Variants in NOX3 observed in about 807,000 individuals in gnomAD.
The protein encoded by NOX3 is NADPH oxidase catalytic subunit-like 3.
Under a neutral mutation model 76.7 loss-of-function variants are expected in NOX3, and 74 were observed. The observed-to-expected ratio is 0.96, with a 90% CI of 0.80 to 1.17. The LOEUF (loss-of-function observed/expected upper bound fraction) is 1.17, where lower values mean the gene tolerates loss of function less well. NOX3 is among the 50% of genes most tolerant of loss of function. The pLI is 0.00. For synonymous variants in NOX3, 263 were observed against 261.1 expected (o/e 1.01, Z -0.07); for missense variants, 695 against 703.3 (o/e 0.99, Z 0.13).
chr6:155,401,115 G>C (rs1779220426), intron 12 of NOX3, among the ~76,000 whole-genome samples: 1 of 152,106 alleles, frequency 6.6e-6, no homozygotes, highest in South Asian at 2.1e-4. Context: ...CTAATAATTT[G>C]ATAGATAGGT....
At chr6:155,419,183 G>T (rs1443402919) in intron 10 of NOX3, among the ~76,000 whole-genome samples, 1 of 152,176 alleles carries the variant, frequency 6.6e-6, no homozygotes, top group Non-Finnish European at 1.5e-5. Context: ...AAGCCTAATA[G>T]TAGCTATACT....
rs987123503 is a variant in NOX3 at position 155,418,279 on chromosome 6, C to T, written c.1308+4415G>A. Reference sequence around the variant, plus strand: ...AGTGTGATGTAGAATTAATCATACCCGTTAGGCAGGAGGTGGAGGACTTTA... The same window carrying T: ...AGTGTGATGTAGAATTAATCATACCTGTTAGGCAGGAGGTGGAGGACTTTA... On this transcript the variant is annotated intron_variant, in intron 10 of 13. Transcript: ENST00000159060. Among the ~76,000 whole-genome samples the T allele has an allele frequency of 3.9e-5, 6 of 152,036 alleles. No individual in the cohort carries two copies. In the South Asian group the frequency reaches 6.2e-4, roughly 16 times the overall value.
rs1776794035 is a variant in NOX3, at chr6:155,428,899, T to C, written c.1040A>G (p.Asp347Gly). 6.2e-7 allele frequency: 1 copy of C among 1,613,716 alleles called. No homozygotes were observed. The highest frequency in any genetic ancestry group is 8.5e-7 in the Non-Finnish European group (1 of 1,179,830). Residue 347 changes from aspartate (D) to glycine (G), a missense_variant, in exon 9 of 14, where the codon GAC becomes GGC. Coordinates refer to ENST00000159060, the MANE Select transcript of NOX3 (RefSeq NM_015718.3). ...TGCCCGGATGTGCACGCTGAAAAAG[T>C]CCTCCTGGGGGGCAGAGGTAAGGGT... ...PFTLTSAPQEDFFSVHIRAAG... is the reference protein window; with the variant it reads ...PFTLTSAPQEGFFSVHIRAAG...
At chr6:155,445,281 A>C (rs1302149586) in intron 4 of NOX3, among the ~76,000 whole-genome samples, 1 of 152,200 alleles carries the variant, frequency 6.6e-6, no homozygotes, top group African/African-American at 2.4e-5. Context: ...ACCCACAGTG[A>C]GAAGTAGCAG....
intron 5 of NOX3, among the ~76,000 whole-genome samples, chr6:155,442,066 C>A (rs189461952): frequency 2.6e-5 from 4 of 152,256 alleles, no homozygotes; most frequent in South Asian, 2.1e-4. Flanking sequence ...CGATCAAGAC[C>A]ATCCTGGCTA....
intron 4 of NOX3, among the ~76,000 whole-genome samples, chr6:155,445,228 G>A (rs6919626): frequency 0.6 from 90,816 of 152,042 alleles, 27,294 homozygotes; most frequent in Middle Eastern, 0.63. Context: ...TTCATTGCCC[G>A]GGGTATAGAT....
intron 12 of NOX3, among the ~76,000 whole-genome samples, 171 bp downstream of exon 12, chr6:155,406,959 G>A (rs1450302807): frequency 1.3e-5 from 2 of 152,240 alleles, no homozygotes; most frequent in Non-Finnish European, 1.5e-5. Flanking sequence ...TTGTAAGCCA[G>A]TTCAGGAGAG....
At chr6:155,434,591 G>C (rs1406088786) in intron 7 of NOX3, among the ~76,000 whole-genome samples, 5 of 152,188 alleles carry the variant, frequency 3.3e-5, no homozygotes, top group African/African-American at 1.2e-4. Flanking sequence ...ACAGAAATGA[G>C]AGCAAGAATG....
intron 4 of NOX3, among the ~76,000 whole-genome samples, chr6:155,443,859 TAA>T (rs1251716716): frequency 6.6e-6 from 1 of 151,938 alleles, no homozygotes; most frequent in Non-Finnish European, 1.5e-5. Context: ...CACATTTATT[TAA>T]GTTATATTAA....
At chr6:155,408,711 A>T (rs1776496807) in intron 11 of NOX3, among the ~76,000 whole-genome samples, 1 of 152,232 alleles carries the variant, frequency 6.6e-6, no homozygotes, top group South Asian at 2.1e-4. Flanking sequence ...CTGAGTGTCC[A>T]TCAACAGTTG....
In NOX3 at chr6:155,403,600, A is replaced by G. The variant is rs116023210; in HGVS notation, c.1580+3530T>C. Among the ~76,000 whole-genome samples, 266 of 152,332 alleles carry G rather than the reference A, an allele frequency of 1.7e-3. 1 individual carries two copies. The highest frequency in any genetic ancestry group is 5.9e-3 in the African/African-American group (246 of 41,562). ...CATAGCTACCGTGCTGCAAAATACA[A>G]TTGAGCATTAAGTACGTTTCCGCAC... On this transcript the variant is annotated intron_variant, in intron 12 of 13. Coordinates refer to ENST00000159060, the MANE Select transcript of NOX3 (RefSeq NM_015718.3).
intron 10 of NOX3, among the ~76,000 whole-genome samples, chr6:155,421,157 C>T (rs1248365771): frequency 2.6e-5 from 4 of 152,166 alleles, no homozygotes. Flanking sequence ...GGGGTCACGT[C>T]TACCATGTGT....
intron 7 of NOX3, among the ~76,000 whole-genome samples, chr6:155,435,437 CA>C (rs1776888929): frequency 6.6e-6 from 1 of 152,064 alleles, no homozygotes; most frequent in Non-Finnish European, 1.5e-5. Context: ...GTCTAATGGG[CA>C]TATCTATTCC....
At chr6:155,454,407 A>T (rs1777184958) in intron 3 of NOX3, among the ~76,000 whole-genome samples, 1 of 152,236 alleles carries the variant, frequency 6.6e-6, no homozygotes, top group Non-Finnish European at 1.5e-5. Flanking sequence ...GTTAAAATCT[A>T]CATAATAAAA....
chr6:155,436,877 C>T (rs1776911541), intron 6 of NOX3, among the ~76,000 whole-genome samples: 1 of 152,188 alleles, frequency 6.6e-6, no homozygotes, highest in African/African-American at 2.4e-5. Context: ...TAGGTTTCAT[C>T]TTGTTCTGAT....
intron 10 of NOX3, among the ~76,000 whole-genome samples, chr6:155,416,386 G>T (rs1202993052): frequency 6.6e-6 from 1 of 152,110 alleles, no homozygotes; most frequent in Non-Finnish European, 1.5e-5. Flanking sequence ...TTATTGTCCT[G>T]GTTTTTATTT....
chr6:155,402,631 T>C (rs1033084197), intron 12 of NOX3, among the ~76,000 whole-genome samples: 1 of 152,220 alleles, frequency 6.6e-6, no homozygotes, highest in Non-Finnish European at 1.5e-5. Flanking sequence ...CTCTCTTTGA[T>C]CTGCTTCCCT....
At chr6:155,404,572 T>C (rs1409141962) in intron 12 of NOX3, among the ~76,000 whole-genome samples, 2 of 152,152 alleles carry the variant, frequency 1.3e-5, no homozygotes, top group African/African-American at 4.8e-5. Flanking sequence ...AAGAGCAAGA[T>C]TGTGAGGTTG....
intron 6 of NOX3, among the ~76,000 whole-genome samples, chr6:155,437,626 G>A (rs1776925311): frequency 6.6e-6 from 1 of 152,172 alleles, no homozygotes; most frequent in Non-Finnish European, 1.5e-5. Flanking sequence ...ATGATGCCCA[G>A]ACATAGGCAG....
Sources: gnomAD v4.1 joint callset for allele counts (sites outside exome capture counted in the v4.1 genomes callset) on GRCh38, gnomAD v4.1.1 for gene constraint, MANE v1.5 for transcripts, NCBI Gene and HGNC (gene_info 2026-07-23, HGNC 2026-07-21) for gene names.